The following RDH10 variants were observed in gnomAD, a reference collection of about 807,000 sequenced individuals.
RDH10 encodes the protein retinol dehydrogenase 10, also known as retinol dehydrogenase 10 (all-trans).
A neutral mutation model predicts 30.2 loss-of-function variants in RDH10; 12 were observed. The ratio of observed to expected loss-of-function variants is 0.40; its 90% confidence interval spans 0.25 to 0.64. The LOEUF is 0.64. Ranked by LOEUF, RDH10 falls within the 30% of genes least tolerant of loss-of-function variation. The pLI, the probability that RDH10 is intolerant of heterozygous loss-of-function variation, is 0.43. For synonymous variants in RDH10, 189 were observed against 172.2 expected, an observed-to-expected ratio of 1.10 and a Z score of -0.76; for missense variants, 268 against 445.2, an observed-to-expected ratio of 0.60 and a Z score of 3.58.
In RDH10 at chr8:73,301,810, G is replaced by T. The variant is rs146669838; in HGVS notation, c.525+4381G>T. On this transcript the variant is annotated intron_variant, in intron 2 of 5. Transcript: ENST00000240285. Reference sequence around the variant, plus strand: ...ACTAAAGCTGTGTAAGACCATTATTGCAAACCAGGGCTGTCTCACCCTTGT... The same window carrying T: ...ACTAAAGCTGTGTAAGACCATTATTTCAAACCAGGGCTGTCTCACCCTTGT... 3.8e-3 allele frequency among the ~76,000 whole-genome samples: 579 copies of T among 152,270 alleles called. 2 individuals carry two copies. The highest frequency in any genetic ancestry group is 0.013 in the African/African-American group (550 of 41,552).
At chr8:73,312,767 CTG>C (rs371132086) in intron 2 of RDH10, 12 of 152,192 alleles carry the variant, frequency 7.9e-5, no homozygotes, top group African/African-American at 2.9e-4. Context: ...TGTGAGAAAA[CTG>C]TGCTGTGCTG....
Position 73,295,547 on chromosome 8 carries a change from C to A in RDH10, c.258C>A (p.Asp86Glu), listed in dbSNP as rs1442086057. The A allele has an allele frequency of 6.5e-7, 1 of 1,544,156 alleles. No individual in the cohort carries two copies. Among genetic ancestry groups the A allele is most frequent in the Non-Finnish European group, 8.7e-7 (1 of 1,146,334 alleles). ...GCATGGTGCGCCACATCTACCGCGA[C>A]CTGGAGGCGGCCGACGCCGCTGCGC... ...TAGMVRHIYR[D>E]LEAADAAALQ... The change falls in exon 1 of 6, where the codon GAC (aspartate) becomes GAA (glutamate). Residue 86 changes from aspartate (D) to glutamate (E), a missense_variant. By Grantham distance (45) the Asp-to-Glu change is conservative (BLOSUM62 2). Around this residue, in one of 4 missense-constraint regions of RDH10, gnomAD observed 46 missense variants for 36.7 expected, o/e 1.25. Transcript: ENST00000240285.
intron 2 of RDH10, among the ~76,000 whole-genome samples, chr8:73,316,577 A>G (rs186056805): frequency 4.9e-4 from 75 of 152,320 alleles, no homozygotes; most frequent in Admixed American, 8.5e-4. Context: ...TACTTGGGCA[A>G]TGCAGTAATG....
chr8:73,322,122 T>C (rs1223134292), intron 4 of RDH10: 1 of 401,878 alleles, frequency 2.5e-6, no homozygotes, highest in Non-Finnish European at 5.0e-6. Context: ...AAGGAATAAA[T>C]TGCACACTAT....
chr8:73,301,114 G>C (rs1322719039), intron 2 of RDH10, among the ~76,000 whole-genome samples: 1 of 133,242 alleles, frequency 7.5e-6, no homozygotes, highest in Non-Finnish European at 1.5e-5. Context: ...GCAGTGGCGC[G>C]ATCTCGGCTC....
chr8:73,310,025 G>A (rs1814535758), intron 2 of RDH10, among the ~76,000 whole-genome samples: 1 of 152,162 alleles, frequency 6.6e-6, no homozygotes, highest in Non-Finnish European at 1.5e-5. Flanking sequence ...GTTGCCTCCT[G>A]ATGCCTGATT....
Position 73,321,105 on chromosome 8 carries a change from T to C in RDH10, c.770+28T>C, listed in dbSNP as rs1221638272. 1.3e-6 allele frequency: 2 copies of C among 1,537,948 alleles called. 1 individual carries two copies. The highest frequency in any genetic ancestry group is 3.4e-4 in the Middle Eastern group (2 of 5,838). ...CAGTGAGAACCTATATTATTACTGATAAAAAGAATATGTTGGGAGAATATG... is the reference window on the plus strand; with the variant it reads ...CAGTGAGAACCTATATTATTACTGACAAAAAGAATATGTTGGGAGAATATG... On this transcript the variant is annotated intron_variant, in intron 4 of 5. Coordinates refer to ENST00000240285, the MANE Select transcript of RDH10 (RefSeq NM_172037.5).
intron 2 of RDH10, among the ~76,000 whole-genome samples, chr8:73,318,894 C>T (rs1404601770): frequency 6.6e-6 from 1 of 152,216 alleles, no homozygotes; most frequent in Non-Finnish European, 1.5e-5. Context: ...TTGGTCACGA[C>T]TTATAATAGG....
Position 73,295,313 on chromosome 8 carries a change from C to A in RDH10, c.24C>A (p.Phe8Leu). Residue 8 changes from phenylalanine to leucine, a missense_variant, in exon 1 of 6, where the codon TTC becomes TTA. Phe to Leu is a conservative substitution (Grantham distance 22, BLOSUM62 0). This residue lies in a region of RDH10 where 44 missense variants were observed against 42.1 expected (regional missense o/e 1.04). Transcript: ENST00000240285. MNIVVEF[F>L]VVTFKVLWAF... ...CGATGAACATCGTGGTGGAGTTCTT[C>A]GTGGTCACTTTCAAAGTGCTCTGGG... The A allele has an allele frequency of 6.4e-7, 1 of 1,566,546 alleles. No individual in the cohort carries two copies. The highest frequency in any genetic ancestry group is 8.6e-7 in the Non-Finnish European group (1 of 1,158,050).
In RDH10 at chr8:73,297,442, A is replaced by G. The variant is rs776086432; in HGVS notation, c.525+13A>G. 21 of 1,566,990 alleles carry G rather than the reference A, an allele frequency of 1.3e-5. 1 individual carries two copies. The highest frequency in any genetic ancestry group is 1.6e-5 in the Non-Finnish European group (18 of 1,137,314). ...TGCACACTTCTGGGTAAATATAAAC[A>G]TCCTTGTTTTCTTTGCTGGGCCCTC... is the stretch of plus-strand genomic sequence containing the variant. On this transcript the variant is annotated intron_variant, in intron 2 of 5. Coordinates refer to ENST00000240285, the MANE Select transcript of RDH10 (RefSeq NM_172037.5).
chr8:73,297,608 CCCACCCCCCCG>C (rs1814291228), intron 2 of RDH10, 179 bp downstream of exon 2: 2 of 551,314 alleles, frequency 3.6e-6, no homozygotes, highest in Non-Finnish European at 6.5e-6. Flanking sequence ...TTTGTCCCCG[CCCACCCCCCCG>C]CCACCCCTAA....
chr8:73,311,226 G>T (rs1049922242), intron 2 of RDH10: 2 of 152,204 alleles, frequency 1.3e-5, no homozygotes, highest in African/African-American at 4.8e-5. Context: ...AAGATCCAGA[G>T]AGGTCAAGTA....
intron 2 of RDH10, chr8:73,300,372 T>C (rs777475428): frequency 1.3e-5 from 2 of 152,232 alleles, no homozygotes; most frequent in Admixed American, 1.3e-4. Context: ...AGTCCTCTTA[T>C]GCGAAGCGTT....
chr8:73,316,570 T>C (rs1023722327), intron 2 of RDH10, among the ~76,000 whole-genome samples: 1 of 152,198 alleles, frequency 6.6e-6, no homozygotes, highest in African/African-American at 2.4e-5. Flanking sequence ...AGCAGTGTAC[T>C]TGGGCAATGC....
chr8:73,321,211 A>G (rs1814765403), intron 4 of RDH10, 134 bp downstream of exon 4: 1 of 862,376 alleles, frequency 1.2e-6, no homozygotes. Flanking sequence ...AGATTTGTAA[A>G]GTTTGTAAAA....
At chr8:73,322,232 C>T (rs1814784804) in intron 4 of RDH10, 1 of 333,234 alleles carries the variant, frequency 3.0e-6, no homozygotes. Flanking sequence ...TTTCCCTCTT[C>T]CGGCATCCTG....
Position 73,297,258 on chromosome 8 carries a change from C to T in RDH10, c.354C>T (p.Asp118=), listed in dbSNP as rs756786420. ...TGCAGGTTTTTACCTACACCTGTGA[C>T]GTGGGGAAGAGGGAGAACGTCTACC... ...CNLQVFTYTC[D]VGKRENVYLT... is the part of the protein sequence containing the mutation. The change falls in exon 2 of 6, where the codon GAC becomes GAT. Residue 118 remains aspartate, a synonymous_variant. Transcript: ENST00000240285. The T allele has an allele frequency of 5.6e-6, 9 of 1,614,062 alleles. No individual in the cohort carries two copies. Among genetic ancestry groups the T allele is most frequent in the South Asian group, 1.1e-5 (1 of 91,082 alleles).
chr8:73,318,147 T>C lies in RDH10; in HGVS notation c.526-949T>C, dbSNP rs191701433. 4.8e-3 allele frequency among the ~76,000 whole-genome samples: 719 copies of C among 150,832 alleles called. 5 individuals carry two copies. Among genetic ancestry groups the C allele is most frequent in the South Asian group, 0.017 (78 of 4,718 alleles). ...ACAGATTGCTCTTCGCTGCTTTCTT[T>C]TAAGAAGCAGGTTATAAAACTGTTG... On this transcript the variant is annotated intron_variant, in intron 2 of 5. Coordinates refer to ENST00000240285, the MANE Select transcript of RDH10 (RefSeq NM_172037.5).
intron 4 of RDH10, 78 bp downstream of exon 4, chr8:73,321,155 C>T: frequency 8.0e-7 from 1 of 1,245,646 alleles, no homozygotes; most frequent in East Asian, 2.4e-5. Context: ...CAAACATAAC[C>T]TTGTATTTTA....
Sources: gnomAD v4.1 joint callset for allele counts (sites outside exome capture counted in the v4.1 genomes callset) on GRCh38, gnomAD v4.1.1 for gene constraint, gnomAD v4.1.1 regional missense constraint, MANE v1.5 for transcripts, NCBI Gene and HGNC (gene_info 2026-07-23, HGNC 2026-07-21) for gene names.